GNAS-AS1: variants seen among roughly 807,000 people sequenced by gnomAD.
GNAS-AS1 encodes the protein GNAS antisense RNA 1 (non-protein coding).
rs79527543 is a variant in GNAS-AS1, at chr20:58,840,821, C to T, written n.819+1116G>A. 1.2e-6 allele frequency: 2 copies of T among 1,612,768 alleles called. No individual in the cohort carries two copies. Among genetic ancestry groups the T allele is most frequent in the Non-Finnish European group, 1.7e-6 (2 of 1,179,932 alleles). On this transcript the variant is annotated intron_variant and non_coding_transcript_variant, in intron 4 of 4. Transcript: ENST00000424094. This position sits in a 1 kb window ranked among gnomAD's most constrained non-coding sequence, Gnocchi z 6.0. ...CCCGGAGTCCCCTTCCAAAAAGGGACCCATCCCCATCCGGCGTCACTAATG... is the reference window on the plus strand; with the variant it reads ...CCCGGAGTCCCCTTCCAAAAAGGGATCCATCCCCATCCGGCGTCACTAATG...
In GNAS-AS1 at chr20:58,841,643, C is replaced by T; in HGVS notation, n.819+294G>A. 9.1e-7 allele frequency: 1 copy of T among 1,101,486 alleles called. No homozygotes were observed. Among genetic ancestry groups the T allele is most frequent in the Non-Finnish European group, 1.1e-6 (1 of 905,082 alleles). The allele number at this position is 1,101,486 out of a possible 1,614,324, so 68.2% of individuals were successfully genotyped here. A position where few individuals can be genotyped will look rare whatever the true frequency, so the allele number is the denominator to read the frequency against. ...GCGCGCCGGAGCTGACCTCTCCCGG[C>T]GGCGGGCGGTTAGGGGAAAGTACCT... On this transcript the variant is annotated intron_variant and non_coding_transcript_variant, in intron 4 of 4. Transcript: ENST00000424094. The surrounding 1 kb of genome is among the most constrained non-coding windows in gnomAD (Gnocchi z 5.0).
intron 4 of GNAS-AS1, among the ~76,000 whole-genome samples, chr20:58,829,421 G>A (rs1039557706): frequency 1.3e-5 from 2 of 152,166 alleles, no homozygotes; most frequent in Non-Finnish European, 2.9e-5. Flanking sequence ...TGGCCATCAG[G>A]ACAAAGGCTT....
intron 1 of GNAS-AS1, among the ~76,000 whole-genome samples, chr20:58,849,467 G>A (rs542221257): frequency 1.1e-4 from 16 of 152,162 alleles, no homozygotes; most frequent in Non-Finnish European, 1.5e-4. Context: ...TTGTAAGTAC[G>A]ATTGCCAATT....
chr20:58,830,449 C>CCA (rs2085554219), intron 4 of GNAS-AS1, among the ~76,000 whole-genome samples: 1 of 131,828 alleles, frequency 7.6e-6, no homozygotes, highest in African/African-American at 3.1e-5. Flanking sequence ...ATTACCACCA[C>CCA]CACCATCACC....
At position 58,840,666 on chromosome 20, in the gene GNAS-AS1, GC is replaced by G; in HGVS notation, n.819+1270del. 1 of 1,605,420 alleles carries G rather than the reference GC, an allele frequency of 6.2e-7. No homozygotes were observed. On this transcript the variant is annotated intron_variant and non_coding_transcript_variant, in intron 4 of 4. Transcript: ENST00000424094. This position sits in a 1 kb window ranked among gnomAD's most constrained non-coding sequence, Gnocchi z 6.0. ...CCGCCCAGCACTCAGGAGCCCCAGA[GC>G]CCCAGGGAAGGGGAGGAGCTCAAGC... is the stretch of plus-strand genomic sequence containing the variant.
At chr20:58,819,046 C>T (rs1286117024) in exon 5 of GNAS-AS1, 9 of 398,536 alleles carry the variant, frequency 2.3e-5, no homozygotes, top group African/African-American at 1.2e-4. Flanking sequence ...TCCCAGCGGA[C>T]GTCAGAGATC....
chr20:58,839,933 T>G, intron 4 of GNAS-AS1: 1 of 650,200 alleles, frequency 1.5e-6, no homozygotes, highest in Non-Finnish European at 2.7e-6. Context: ...TCTTAAGTGG[T>G]CAGGAAGGTA....
chr20:58,838,736 G>A (rs2145465074), intron 4 of GNAS-AS1: 1 of 324,170 alleles, frequency 3.1e-6, no homozygotes, highest in East Asian at 4.8e-5. Context: ...TGGCCAATAT[G>A]GCGAAACCCC....
rs2145478352 is a variant in GNAS-AS1, at chr20:58,841,569, G to T, written n.819+368C>A. The T allele has an allele frequency of 2.0e-6, 2 of 1,002,068 alleles. No individual in the cohort carries two copies. The highest frequency in any genetic ancestry group is 2.4e-6 in the Non-Finnish European group (2 of 841,512). 62.1% of individuals were successfully genotyped at this position (1,002,068 alleles called of 1,614,324 possible). A position where few individuals can be genotyped will look rare whatever the true frequency, so the allele number is the denominator to read the frequency against. On this transcript the variant is annotated intron_variant and non_coding_transcript_variant, in intron 4 of 4. Transcript: ENST00000424094. This position sits in a 1 kb window ranked among gnomAD's most constrained non-coding sequence, Gnocchi z 5.0. Reference sequence around the variant, plus strand: ...CCTTGGCCGCCACAGCCCGCCTCCCGTCGCTCGCGGGACAGAGACCGCCTC... The same window carrying T: ...CCTTGGCCGCCACAGCCCGCCTCCCTTCGCTCGCGGGACAGAGACCGCCTC...
Position 58,840,007 on chromosome 20 carries a change from C to T in GNAS-AS1, n.819+1930G>A. ...GGACCTCCGGGCCAGCTTCTCACCT[C>T]ATAGGGTGTACCTTTCCCGGCTCCA... On this transcript the variant is annotated intron_variant and non_coding_transcript_variant, in intron 4 of 4. Coordinates refer to ENST00000424094, the Ensembl canonical transcript of GNAS-AS1. This position sits in a 1 kb window ranked among gnomAD's most constrained non-coding sequence, Gnocchi z 6.0. The T allele has an allele frequency of 7.2e-7, 1 of 1,381,822 alleles. No homozygotes were observed. The highest frequency in any genetic ancestry group is 1.0e-6 in the Non-Finnish European group (1 of 985,970). The allele number at this position is 1,381,822 out of a possible 1,614,324, so 85.6% of individuals were successfully genotyped here.
intron 4 of GNAS-AS1, among the ~76,000 whole-genome samples, chr20:58,825,364 A>T (rs564821465): frequency 9.2e-5 from 14 of 152,320 alleles, no homozygotes; most frequent in African/African-American, 2.4e-4. Flanking sequence ...TCTCAGGTCA[A>T]TGAAGAGACT....
intron 2 of GNAS-AS1, among the ~76,000 whole-genome samples, chr20:58,844,611 C>T (rs943907445): frequency 2.0e-5 from 3 of 152,112 alleles, no homozygotes; most frequent in Non-Finnish European, 2.9e-5. Flanking sequence ...TCCTATTTAT[C>T]CCTTTCAGCT....
At chr20:58,837,252 G>A (rs568858922) in intron 4 of GNAS-AS1, among the ~76,000 whole-genome samples, 85 of 152,260 alleles carry the variant, frequency 5.6e-4, no homozygotes, top group African/African-American at 1.9e-3. Flanking sequence ...CTAATTAGAA[G>A]AAATAAAGTG....
At chr20:58,836,500 G>A (rs1473473573) in intron 4 of GNAS-AS1, 11 of 152,266 alleles carry the variant, frequency 7.2e-5, no homozygotes, top group East Asian at 1.9e-4. Flanking sequence ...TGGGAACTGC[G>A]CTTTCCTGTC....
Position 58,841,640 on chromosome 20 carries a change from C to A in GNAS-AS1, n.819+297G>T, listed in dbSNP as rs926692325. ...CGCGCGCGCCGGAGCTGACCTCTCC[C>A]GGCGGCGGGCGGTTAGGGGAAAGTA... On this transcript the variant is annotated intron_variant and non_coding_transcript_variant, in intron 4 of 4. Transcript: ENST00000424094. The surrounding 1 kb of genome is among the most constrained non-coding windows in gnomAD (Gnocchi z 5.0). 10 of 1,095,414 alleles carry A rather than the reference C, an allele frequency of 9.1e-6. No individual in the cohort carries two copies. Among genetic ancestry groups the A allele is most frequent in the Non-Finnish European group, 1.0e-5 (9 of 901,236 alleles). 67.9% of individuals were successfully genotyped at this position (1,095,414 alleles called of 1,614,324 possible). A position where few individuals can be genotyped will look rare whatever the true frequency, so the allele number is the denominator to read the frequency against.
At chr20:58,828,975 A>G (rs1364250708) in intron 4 of GNAS-AS1, among the ~76,000 whole-genome samples, 1 of 138,512 alleles carries the variant, frequency 7.2e-6, no homozygotes, top group African/African-American at 2.8e-5. Flanking sequence ...CCCACTCAAC[A>G]TGGCAGAGCT....
At chr20:58,847,396 C>T (rs781668004) in intron 2 of GNAS-AS1, among the ~76,000 whole-genome samples, 3 of 152,180 alleles carry the variant, frequency 2.0e-5, no homozygotes, top group Admixed American at 1.3e-4. Flanking sequence ...CCGGCCAAGG[C>T]GGGCAGAGGA....
chr20:58,821,205 G>C (rs777765828), intron 4 of GNAS-AS1, among the ~76,000 whole-genome samples: 3 of 152,148 alleles, frequency 2.0e-5, no homozygotes, highest in Non-Finnish European at 4.4e-5. Context: ...CAGCCAGACT[G>C]GTTTCCTGCT....
At chr20:58,826,034 A>G (rs1014988569) in intron 4 of GNAS-AS1, 1 of 398,522 alleles carries the variant, frequency 2.5e-6, no homozygotes, top group Non-Finnish European at 4.4e-6. Context: ...CCTTTAGACG[A>G]TGACTTCAGC....
Sources: gnomAD v4.1 joint callset for allele counts (sites outside exome capture counted in the v4.1 genomes callset) on GRCh38, gnomAD v4.1.1 for gene constraint, Gnocchi (gnomAD v3.1) non-coding constraint, MANE v1.5 for transcripts, NCBI Gene and HGNC (gene_info 2026-07-23, HGNC 2026-07-21) for gene names.